KHDRBS2: variants seen among roughly 807,000 people sequenced by gnomAD.
KHDRBS2 encodes the protein KH domain-containing, RNA-binding, signal transduction-associated protein 2.
KHDRBS2 carries 26 observed loss-of-function variants against 44.3 expected under a neutral mutation model. That is an observed-to-expected ratio of 0.59 (90% CI 0.43 to 0.81). The LOEUF (loss-of-function observed/expected upper bound fraction) is 0.81. KHDRBS2 is among the 40% of genes least tolerant of loss of function. KHDRBS2 has a pLI of 0.00. For missense variants in KHDRBS2, 476 were observed against 433.1 expected (o/e 1.10, Z -0.88); for synonymous variants, 194 against 151.1 (o/e 1.28, Z -2.08).
chr6:62,175,376 C>G (rs1820880955), intron 2 of KHDRBS2, among the ~76,000 whole-genome samples: 1 of 151,550 alleles, frequency 6.6e-6, no homozygotes, highest in African/African-American at 2.4e-5. Flanking sequence ...TCATTTTTCA[C>G]ATTCTTCCAC....
At chr6:62,072,201 G>A (rs1795291577) in intron 2 of KHDRBS2, among the ~76,000 whole-genome samples, 1 of 152,170 alleles carries the variant, frequency 6.6e-6, no homozygotes, top group African/African-American at 2.4e-5. Flanking sequence ...TGTATCCTGA[G>A]ACTTGGCTGA....
chr6:61,802,041 C>G (rs143768878), intron 6 of KHDRBS2, among the ~76,000 whole-genome samples: 2 of 152,148 alleles, frequency 1.3e-5, no homozygotes, highest in Non-Finnish European at 2.9e-5. Context: ...TGGAAAGGGT[C>G]ACATGAGAAG....
chr6:61,852,075 A>G (rs1315186810), intron 6 of KHDRBS2, among the ~76,000 whole-genome samples: 1 of 151,998 alleles, frequency 6.6e-6, no homozygotes, highest in East Asian at 1.9e-4. Context: ...TACAAAAATT[A>G]GCTGAGCATA....
chr6:62,069,060 T>C (rs994761044), intron 2 of KHDRBS2, among the ~76,000 whole-genome samples: 2 of 151,570 alleles, frequency 1.3e-5, no homozygotes, highest in Admixed American at 6.6e-5. Flanking sequence ...TGGATTGAAA[T>C]TGTCATCTTA....
At chr6:62,218,656 T>A (rs1193982195) in intron 1 of KHDRBS2, among the ~76,000 whole-genome samples, 1 of 151,774 alleles carries the variant, frequency 6.6e-6, no homozygotes, top group Non-Finnish European at 1.5e-5. Context: ...AAGTAAAAAC[T>A]AGCAATCTCA....
At chr6:62,144,878 A>C (rs1276487412) in intron 2 of KHDRBS2, among the ~76,000 whole-genome samples, 4 of 151,958 alleles carry the variant, frequency 2.6e-5, no homozygotes, top group African/African-American at 4.8e-5. Flanking sequence ...TTAGGAAAGA[A>C]GGTCATGTAA....
chr6:61,574,724 G>A, the KHDRBS2 span, among the ~76,000 whole-genome samples: 7 of 152,144 alleles, frequency 4.6e-5, no homozygotes, highest in East Asian at 9.7e-4. Context: ...GGCCAACATG[G>A]TGGGTGTTGG....
the KHDRBS2 span, among the ~76,000 whole-genome samples, chr6:61,616,058 T>G: frequency 6.6e-6 from 1 of 152,194 alleles, no homozygotes; most frequent in Non-Finnish European, 1.5e-5. Flanking sequence ...GAATCCTGAG[T>G]TAGACAGATT....
chr6:62,272,495 A>G (rs1250993701), intron 1 of KHDRBS2, among the ~76,000 whole-genome samples: 3 of 152,214 alleles, frequency 2.0e-5, no homozygotes, highest in Admixed American at 2.0e-4. Context: ...TCACATTACA[A>G]GAATCAGTAA....
intron 6 of KHDRBS2, among the ~76,000 whole-genome samples, chr6:61,774,428 G>A (rs1482683225): frequency 6.6e-6 from 1 of 152,002 alleles, no homozygotes; most frequent in East Asian, 1.9e-4. Flanking sequence ...TCCTTAAGCT[G>A]ATAAGCAACT....
chr6:61,882,341 C>T (rs774906192), intron 6 of KHDRBS2, among the ~76,000 whole-genome samples: 3 of 151,884 alleles, frequency 2.0e-5, no homozygotes, highest in East Asian at 1.9e-4. Flanking sequence ...TCACTTCATA[C>T]GGGTGTTTAT....
intron 2 of KHDRBS2, among the ~76,000 whole-genome samples, chr6:62,066,206 C>A (rs368750154): frequency 6.6e-6 from 1 of 151,620 alleles, no homozygotes. Context: ...CAAAAGCAAA[C>A]CCTATTTTTT....
At chr6:61,768,952 T>C (rs1487513095) in intron 6 of KHDRBS2, among the ~76,000 whole-genome samples, 3 of 152,166 alleles carry the variant, frequency 2.0e-5, no homozygotes, top group Non-Finnish European at 2.9e-5. Flanking sequence ...ATTCAAAGTA[T>C]ATCTGTATCA....
chr6:62,153,398 A>T (rs1815649953), intron 2 of KHDRBS2, among the ~76,000 whole-genome samples: 1 of 152,242 alleles, frequency 6.6e-6, no homozygotes, highest in Non-Finnish European at 1.5e-5. Flanking sequence ...TTTCATCTCA[A>T]ATAGCAAATG....
chr6:61,775,451 T>C (rs1211801590), intron 6 of KHDRBS2, among the ~76,000 whole-genome samples: 1 of 152,120 alleles, frequency 6.6e-6, no homozygotes, highest in Non-Finnish European at 1.5e-5. Context: ...AGTCTCAGGA[T>C]ACAAAAATCA....
chr6:61,931,139 A>T (rs951052688), intron 4 of KHDRBS2, among the ~76,000 whole-genome samples: 2 of 152,026 alleles, frequency 1.3e-5, no homozygotes, highest in African/African-American at 4.8e-5. Context: ...TTTTGTTAAA[A>T]ATATAAGAAG....
chr6:61,697,075 T>G, intron 8 of KHDRBS2, 120 bp downstream of exon 8: 1 of 736,980 alleles, frequency 1.4e-6, no homozygotes, highest in Non-Finnish European at 2.4e-6. Flanking sequence ...TGGAATTACA[T>G]GAATCAATTT....
At chr6:62,073,940 C>G (rs1222955476) in intron 2 of KHDRBS2, among the ~76,000 whole-genome samples, 1 of 151,764 alleles carries the variant, frequency 6.6e-6, no homozygotes, top group Non-Finnish European at 1.5e-5. Context: ...CTAAGTGGTA[C>G]TCCTGCACTA....
intron 2 of KHDRBS2, among the ~76,000 whole-genome samples, chr6:62,101,235 C>T (rs566892195): frequency 1.3e-5 from 2 of 151,804 alleles, no homozygotes; most frequent in African/African-American, 4.8e-5. Context: ...TTTTTTTTTC[C>T]TACCTAGATG....
Sources: gnomAD v4.1 joint callset for allele counts (sites outside exome capture counted in the v4.1 genomes callset) on GRCh38, gnomAD v4.1.1 for gene constraint, MANE v1.5 for transcripts, NCBI Gene and HGNC (gene_info 2026-07-23, HGNC 2026-07-21) for gene names.